Variants in CDH4 observed in about 807,000 individuals in gnomAD.
The protein encoded by CDH4 is cadherin 4.
In CDH4, 33 loss-of-function variants were observed where a neutral mutation model predicts 86.0. That is an observed-to-expected ratio of 0.38 (90% CI 0.29 to 0.51). The LOEUF (loss-of-function observed/expected upper bound fraction) is 0.51, where lower values mean the gene tolerates loss of function less well. Ranked by LOEUF, CDH4 falls within the 20% of genes least tolerant of loss-of-function variation. CDH4 has a pLI of 0.86. For synonymous variants in CDH4, 555 were observed against 549.4 expected (o/e 1.01, Z -0.14); for missense variants, 1,114 against 1,307.4 (o/e 0.85, Z 2.28).
At chr20:61,287,133 C>G (rs1313101244) in intron 2 of CDH4, among the ~76,000 whole-genome samples, 2 of 152,182 alleles carry the variant, frequency 1.3e-5, no homozygotes, top group Admixed American at 6.5e-5. Flanking sequence ...GTCTGAAAAC[C>G]AGGATGAGAC....
chr20:61,408,617 A>G (rs962968498), intron 2 of CDH4, among the ~76,000 whole-genome samples: 1 of 152,146 alleles, frequency 6.6e-6, no homozygotes, highest in Admixed American at 6.5e-5. Flanking sequence ...GCCCTGTGTT[A>G]GTGAGCGTCA....
intron 7 of CDH4, among the ~76,000 whole-genome samples, chr20:61,889,927 C>T (rs570939807): frequency 1.8e-5 from 2 of 113,874 alleles, no homozygotes; most frequent in East Asian, 2.8e-4. Flanking sequence ...GTAGATGGAT[C>T]GATGATGGAT....
rs372785802 is a variant in CDH4, at chr20:61,923,576, C to A, written c.1500C>A (p.Asp500Glu). The change falls in exon 10 of 16, where the codon GAC (aspartate) becomes GAA (glutamate). Residue 500 changes from aspartate to glutamate, a missense_variant. Physicochemically the swap from Asp to Glu is conservative, Grantham distance 45. Transcript: ENST00000614565. ...CAGGGGTGACCATCTCCATCATGGA[C>A]ATCAACGAGGCTCCCTACTTCCCCT... ...STAGVTISIM[D>E]INEAPYFPSN... The A allele has an allele frequency of 2.5e-6, 4 of 1,614,066 alleles. No homozygotes were observed. In the African/African-American group the frequency reaches 5.3e-5, roughly 22 times the overall value.
At chr20:61,583,150 C>T (rs1427428164) in intron 2 of CDH4, among the ~76,000 whole-genome samples, 17 of 66,314 alleles carry the variant, frequency 2.6e-4, no homozygotes, top group South Asian at 6.2e-4. Context: ...GAGGGCTCTG[C>T]GGAGGGACAG....
At chr20:61,822,130 G>A (rs1456909346) in intron 4 of CDH4, among the ~76,000 whole-genome samples, 1 of 152,206 alleles carries the variant, frequency 6.6e-6, no homozygotes, top group African/African-American at 2.4e-5. Context: ...CTTATTTGCA[G>A]TAACTCTGCC....
chr20:61,750,750 A>AAG (rs1365224825), intron 3 of CDH4, among the ~76,000 whole-genome samples: 1 of 152,210 alleles, frequency 6.6e-6, no homozygotes, highest in East Asian at 1.9e-4. Context: ...TCTGTCCTAA[A>AAG]AGAACCTGTA....
chr20:61,935,319 G>C (rs1369178826), intron 15 of CDH4, among the ~76,000 whole-genome samples: 1 of 152,260 alleles, frequency 6.6e-6, no homozygotes, highest in Non-Finnish European at 1.5e-5. Flanking sequence ...CCCCAAAGCA[G>C]ATGGTGTTCT....
At chr20:61,899,926 C>A (rs1331213410) in intron 8 of CDH4, among the ~76,000 whole-genome samples, 1 of 152,240 alleles carries the variant, frequency 6.6e-6, no homozygotes, top group Non-Finnish European at 1.5e-5. Flanking sequence ...AGGGTGTCAG[C>A]TGAACTTAGG....
At chr20:61,335,920 T>C (rs1358356009) in intron 2 of CDH4, among the ~76,000 whole-genome samples, 3 of 152,224 alleles carry the variant, frequency 2.0e-5, no homozygotes, top group Non-Finnish European at 4.4e-5. Flanking sequence ...CAAGGATCTT[T>C]TGGTACCTTG....
rs1600941074 is a variant in CDH4 at position 61,399,234 on chromosome 20, G to A, written c.169+144297G>A. Among the ~76,000 whole-genome samples, 2 of 70,778 alleles carry A rather than the reference G, an allele frequency of 2.8e-5. 1 individual carries two copies. The highest frequency in any genetic ancestry group is 8.8e-4 in the South Asian group (2 of 2,280). 46.4% of individuals were successfully genotyped at this position (70,778 alleles called of 152,430 possible). A position where few individuals can be genotyped will look rare whatever the true frequency, so the allele number is the denominator to read the frequency against. ...TGCAAGCTCCGCTTCCCGGGTTCACGCCATTCTCCTGCCTCAGCCTCCCGA... is the reference window on the plus strand; with the variant it reads ...TGCAAGCTCCGCTTCCCGGGTTCACACCATTCTCCTGCCTCAGCCTCCCGA... On this transcript the variant is annotated intron_variant, in intron 2 of 15. Coordinates refer to ENST00000614565, the MANE Select transcript of CDH4 (RefSeq NM_001794.5).
chr20:61,652,861 G>T (rs1202629882), intron 2 of CDH4, among the ~76,000 whole-genome samples: 2 of 85,348 alleles, frequency 2.3e-5, no homozygotes, highest in Non-Finnish European at 5.2e-5. Context: ...TTTTTTTTGG[G>T]GGGGGGATAA....
At chr20:61,731,687 G>A (rs974201621) in intron 2 of CDH4, among the ~76,000 whole-genome samples, 10 of 152,348 alleles carry the variant, frequency 6.6e-5, no homozygotes, top group Middle Eastern at 3.4e-3. Context: ...GGCAGGCCCC[G>A]TGCAGACGCT....
At chr20:61,542,181 G>A (rs1461438023) in intron 2 of CDH4, among the ~76,000 whole-genome samples, 2 of 152,166 alleles carry the variant, frequency 1.3e-5, no homozygotes, top group Admixed American at 6.5e-5. Flanking sequence ...TTGGGGGCAG[G>A]TTGTTAATTC....
intron 4 of CDH4, among the ~76,000 whole-genome samples, chr20:61,798,538 C>A (rs1017689336): frequency 6.6e-6 from 1 of 152,230 alleles, no homozygotes; most frequent in African/African-American, 2.4e-5. Flanking sequence ...TCAACAGACG[C>A]GGCTGCTGCA....
intron 2 of CDH4, among the ~76,000 whole-genome samples, chr20:61,281,377 A>G (rs752522933): frequency 1.4e-4 from 22 of 152,176 alleles, no homozygotes; most frequent in Non-Finnish European, 2.4e-4. Flanking sequence ...TCCTTCCCCC[A>G]TGTGTGGAGA....
chr20:61,397,623 C>G (rs1011931260), intron 2 of CDH4, among the ~76,000 whole-genome samples: 3 of 152,172 alleles, frequency 2.0e-5, no homozygotes, highest in African/African-American at 7.2e-5. Context: ...GGCATAATCA[C>G]ATTGCATTGT....
intron 2 of CDH4, among the ~76,000 whole-genome samples, chr20:61,618,953 C>G (rs1427263218): frequency 1.3e-5 from 2 of 152,176 alleles, no homozygotes; most frequent in Non-Finnish European, 2.9e-5. Context: ...GGATGTGCCT[C>G]CCACAGATAC....
chr20:61,907,622 T>C (rs2054804810), intron 8 of CDH4, among the ~76,000 whole-genome samples: 2 of 152,062 alleles, frequency 1.3e-5, no homozygotes, highest in Admixed American at 1.3e-4. Flanking sequence ...ACGATCTGAC[T>C]CCTGGGCGGC....
intron 2 of CDH4, among the ~76,000 whole-genome samples, chr20:61,424,984 G>A (rs1464701742): frequency 2.0e-5 from 3 of 152,244 alleles, no homozygotes; most frequent in African/African-American, 4.8e-5. Context: ...TGGGCCTCAC[G>A]CAGAGGAGGA....
Sources: gnomAD v4.1 joint callset for allele counts (sites outside exome capture counted in the v4.1 genomes callset) on GRCh38, gnomAD v4.1.1 for gene constraint, MANE v1.5 for transcripts, NCBI Gene and HGNC (gene_info 2026-07-23, HGNC 2026-07-21) for gene names.